SNW1: variants seen among roughly 807,000 people sequenced by gnomAD.
The protein encoded by SNW1 is SNW domain containing 1.
SNW1 carries 9 observed loss-of-function variants against 75.6 expected under a neutral mutation model. The ratio of observed to expected loss-of-function variants is 0.12; its 90% CI spans 0.07 to 0.21. SNW1 has a LOEUF of 0.21. SNW1 is among the 10% of genes least tolerant of loss of function. The probability of loss-of-function intolerance (pLI) is 1.00; values close to 1 mark genes in which losing one functional copy is unlikely to be tolerated. For synonymous variants in SNW1, 200 were observed against 219.1 expected (o/e 0.91, Z 0.77); for missense variants, 409 against 670.9 (o/e 0.61, Z 4.31).
At chr14:77,730,476 C>G (rs2080619544) in intron 10 of SNW1, among the ~76,000 whole-genome samples, 1 of 152,098 alleles carries the variant, frequency 6.6e-6, no homozygotes, top group East Asian at 1.9e-4. Context: ...ACCACCCTCA[C>G]AAAATTTCTT....
At chr14:77,725,575 T>C (rs1254901583) in intron 10 of SNW1, among the ~76,000 whole-genome samples, 1 of 152,224 alleles carries the variant, frequency 6.6e-6, no homozygotes, top group Non-Finnish European at 1.5e-5. Context: ...GCATTATGTA[T>C]TGAAGAGACT....
intron 7 of SNW1, 41 bp downstream of exon 7, chr14:77,735,896 C>A: frequency 6.6e-7 from 1 of 1,517,742 alleles, no homozygotes; most frequent in South Asian, 1.1e-5. Flanking sequence ...AATTAATAAC[C>A]ATGAGTAGAA....
chr14:77,749,591 C>T (rs943043047), intron 3 of SNW1, among the ~76,000 whole-genome samples: 1 of 151,688 alleles, frequency 6.6e-6, no homozygotes, highest in African/African-American at 2.4e-5. Flanking sequence ...ATGGTGAAAC[C>T]CCATCTCTAC....
chr14:77,748,787 CTG>C (rs1225008744), intron 3 of SNW1, among the ~76,000 whole-genome samples: 2 of 152,202 alleles, frequency 1.3e-5, no homozygotes, highest in Non-Finnish European at 2.9e-5. Context: ...CGGGGTTTCA[CTG>C]TGTTAGCCAG....
chr14:77,720,966 G>A (rs1274829614), intron 11 of SNW1, 138 bp from the exon 12 acceptor site: 3 of 666,496 alleles, frequency 4.5e-6, no homozygotes, highest in Non-Finnish European at 8.0e-6. Context: ...ATTCCTTGAT[G>A]ATACATAATC....
intron 1 of SNW1, among the ~76,000 whole-genome samples, chr14:77,757,978 C>CTCGA (rs1566838350): frequency 2.0e-5 from 3 of 151,498 alleles, no homozygotes; most frequent in Non-Finnish European, 4.4e-5. Flanking sequence ...CACAATTTTT[C>CTCGA]TCTATTGCAA....
intron 3 of SNW1, among the ~76,000 whole-genome samples, chr14:77,749,741 T>C (rs1188679801): frequency 6.6e-6 from 1 of 151,962 alleles, no homozygotes; most frequent in Non-Finnish European, 1.5e-5. Flanking sequence ...CACTACAATC[T>C]AAAAAAGAAT....
chr14:77,732,379 ACT>A (rs1486927526), intron 9 of SNW1, 104 bp downstream of exon 9: 1 of 705,032 alleles, frequency 1.4e-6, no homozygotes, highest in African/African-American at 1.8e-5. Context: ...CATGGGTGAG[ACT>A]CTCTTTGGGT....
chr14:77,727,975 T>C (rs1046623895), intron 10 of SNW1, among the ~76,000 whole-genome samples: 2 of 152,106 alleles, frequency 1.3e-5, no homozygotes, highest in Non-Finnish European at 2.9e-5. Flanking sequence ...TATTTAGTTC[T>C]TTAAATGTTT....
At chr14:77,736,089 CA>C (rs2080669009) in intron 6 of SNW1, 83 bp from the exon 7 acceptor site, 1 of 984,648 alleles carries the variant, frequency 1.0e-6, no homozygotes, top group Non-Finnish European at 1.5e-6. Flanking sequence ...CTTTTTCTTG[CA>C]TAAAAGTTTC....
At chr14:77,738,686 T>G in intron 5 of SNW1, 92 bp downstream of exon 5, 1 of 833,742 alleles carries the variant, frequency 1.2e-6, no homozygotes, top group Non-Finnish European at 2.0e-6. Context: ...GCATTTATAA[T>G]GGTTGCTAAG....
chr14:77,719,058 T>A (rs1391940299), intron 12 of SNW1, among the ~76,000 whole-genome samples: 2 of 152,070 alleles, frequency 1.3e-5, no homozygotes, highest in African/African-American at 4.8e-5. Context: ...GGAGTACAGG[T>A]GTGTGCCACC....
intron 1 of SNW1, 97 bp from the exon 2 acceptor site, chr14:77,755,217 CT>C: frequency 9.3e-7 from 1 of 1,078,974 alleles, no homozygotes; most frequent in Non-Finnish European, 1.3e-6. Flanking sequence ...TCCTACGATG[CT>C]TTTACTTTTC....
intron 3 of SNW1, among the ~76,000 whole-genome samples, chr14:77,749,026 T>C (rs1023663064): frequency 2.6e-5 from 4 of 152,192 alleles, no homozygotes; most frequent in African/African-American, 9.6e-5. Context: ...TGGAAAATTA[T>C]GTATTTAGGT....
At position 77,734,935 on chromosome 14, in the gene SNW1, C is replaced by T. The variant is rs1595081042; in HGVS notation, c.774+12G>A. ...GTTATACTAATAGAGACTGATTTGA[C>T]AACTTAATTACCTTTGCATTTTTCC... On this transcript the variant is annotated intron_variant, in intron 8 of 13. Coordinates refer to ENST00000261531, the MANE Select transcript of SNW1 (RefSeq NM_012245.3). 2 of 1,586,734 alleles carry T rather than the reference C, an allele frequency of 1.3e-6. No homozygotes were observed. The highest frequency in any genetic ancestry group is 1.7e-6 in the Non-Finnish European group (2 of 1,155,820).
In SNW1 at chr14:77,747,972, G is replaced by C. The variant is rs942185878; in HGVS notation, c.330+3347C>G. 2.0e-5 allele frequency among the ~76,000 whole-genome samples: 3 copies of C among 152,350 alleles called. No individual in the cohort carries two copies. The South Asian group carries it at 6.2e-4, about 32-fold the overall frequency. On this transcript the variant is annotated intron_variant, in intron 3 of 13. Transcript: ENST00000261531. Reference sequence around the variant, plus strand: ...GATGGCGGTTTTGTCGAATGGAGAGGGGGGAAATGTGGGGAAAAGATAGAT... The same window carrying C: ...GATGGCGGTTTTGTCGAATGGAGAGCGGGGAAATGTGGGGAAAAGATAGAT...
At chr14:77,757,943 T>TATCTATCTATC (rs1386195246) in intron 1 of SNW1, among the ~76,000 whole-genome samples, 3 of 137,996 alleles carry the variant, frequency 2.2e-5, no homozygotes, top group Admixed American at 7.4e-5. Flanking sequence ...TCTATCTATC[T>TATCTATCTATC]ATCTATCTAT....
chr14:77,725,074 G>C (rs1464282637), intron 10 of SNW1, among the ~76,000 whole-genome samples: 1 of 152,076 alleles, frequency 6.6e-6, no homozygotes, highest in East Asian at 1.9e-4. Flanking sequence ...CTGTGGTTTT[G>C]ATTTGAATTT....
chr14:77,740,201 T>C (rs1197489840), intron 3 of SNW1, among the ~76,000 whole-genome samples: 1 of 148,620 alleles, frequency 6.7e-6, no homozygotes, highest in Non-Finnish European at 1.5e-5. Context: ...GCATTCTACC[T>C]TTAATGCTTT....
Sources: allele counts gnomAD v4.1 joint callset (sites outside exome capture counted in the v4.1 genomes callset), GRCh38; gene constraint gnomAD v4.1.1; transcripts MANE v1.5; gene names NCBI Gene and HGNC (gene_info 2026-07-23, HGNC 2026-07-21).